The following ARID2 variants were observed in gnomAD, a reference collection of about 807,000 sequenced individuals.
The protein encoded by ARID2 is AT-rich interaction domain 2.
ARID2 carries 32 observed loss-of-function variants against 184.6 expected under a neutral mutation model. The observed-to-expected ratio is 0.17, with a 90% confidence interval of 0.13 to 0.23. ARID2 has a LOEUF of 0.23. Among genes scored for constraint, ARID2 ranks in the 10% least tolerant of loss-of-function variants. ARID2 has a pLI of 1.00. For synonymous variants in ARID2, 836 were observed against 772.6 expected, an observed-to-expected ratio of 1.08 and a Z score of -1.36; for missense variants, 1,696 against 2,197.6, an observed-to-expected ratio of 0.77 and a Z score of 4.56.
chr12:45,793,860 T>C (rs913683591), intron 3 of ARID2, among the ~76,000 whole-genome samples: 1 of 152,054 alleles, frequency 6.6e-6, no homozygotes, highest in Non-Finnish European at 1.5e-5. Context: ...TTAGGAAATA[T>C]TTTTATTTTT....
At position 45,729,771 on chromosome 12, in the gene ARID2, GCTGGGAGCGGGGGGCGCTTTTAAAACACC is replaced by G; in HGVS notation, c.-65_-37del. On this transcript the variant is annotated 5_prime_UTR_variant, in exon 1 of 21. It removes the in-frame stop codon of an upstream open reading frame in the 5' UTR. Transcript: ENST00000334344. ...TGGGCTCCGGGCTCTGGTAGGAAGC[GCTGGGAGCGGGGGGCGCTTTTAAAACACC>G]GATCTGGGTTTTTTAAAAACCTCCT... 2 of 1,465,324 alleles carry G rather than the reference GCTGGGAGCGGGGGGCGCTTTTAAAACACC, an allele frequency of 1.4e-6. No homozygotes were observed. The highest frequency in any genetic ancestry group is 1.9e-6 in the Non-Finnish European group (2 of 1,072,910). 90.8% of individuals were successfully genotyped at this position (1,465,324 alleles called of 1,614,324 possible).
intron 5 of ARID2, among the ~76,000 whole-genome samples, chr12:45,819,736 T>G (rs1592096546): frequency 6.6e-6 from 1 of 151,780 alleles, no homozygotes; most frequent in Non-Finnish European, 1.5e-5. Flanking sequence ...GTTTTTTGTT[T>G]GTTTTTTTGG....
In ARID2 at chr12:45,851,061, A is replaced by G. The variant is rs767866745; in HGVS notation, c.2938A>G (p.Thr980Ala). 14 of 1,614,114 alleles carry G rather than the reference A, an allele frequency of 8.7e-6. No homozygotes were observed. Among genetic ancestry groups the G allele is most frequent in the Non-Finnish European group, 1.2e-5 (14 of 1,179,986 alleles). ...PSSSPSPVPA[T>A]NNQVPTAMSS... The stretch of plus-strand genomic sequence containing the variant: ...TTCTTCACCATCACCTGTCCCAGCT[A>G]CTAATAACCAAGTCCCTACTGCCAT... The change falls in exon 15 of 21, where the codon ACT becomes GCT. Residue 980 changes from threonine (T) to alanine (A), a missense_variant. Thr to Ala is a moderately conservative substitution (Grantham distance 58). Coordinates refer to ENST00000334344, the MANE Select transcript of ARID2 (RefSeq NM_152641.4).
intron 3 of ARID2, among the ~76,000 whole-genome samples, chr12:45,801,852 A>G (rs1439679550): frequency 2.6e-5 from 4 of 152,164 alleles, no homozygotes; most frequent in Non-Finnish European, 5.9e-5. Flanking sequence ...ATGAAGCAAC[A>G]TATAAACAAT....
intron 3 of ARID2, among the ~76,000 whole-genome samples, chr12:45,746,239 T>C (rs1941353532): frequency 6.6e-6 from 1 of 152,050 alleles, no homozygotes; most frequent in Non-Finnish European, 1.5e-5. Context: ...GCCTCCCTAG[T>C]AACTAGGACT....
In ARID2 at chr12:45,852,089, C is replaced by T. The variant is rs576717656; in HGVS notation, c.3966C>T (p.Ile1322=). Residue 1322 remains isoleucine, a synonymous_variant, in exon 15 of 21, where the codon ATC becomes ATT. Coordinates refer to ENST00000334344, the MANE Select transcript of ARID2 (RefSeq NM_152641.4). ...IQSETNQCSL[I]SNGPSLELGE... Reference sequence around the variant, plus strand: ...GTGAGACTAATCAGTGCTCACTAATCAGTAATGGGCCATCATTGGAATTAG... The same window carrying T: ...GTGAGACTAATCAGTGCTCACTAATTAGTAATGGGCCATCATTGGAATTAG... The T allele has an allele frequency of 7.4e-6, 12 of 1,614,094 alleles. No individual in the cohort carries two copies. Among genetic ancestry groups the T allele is most frequent in the South Asian group, 1.1e-5 (1 of 91,076 alleles).
intron 20 of ARID2, among the ~76,000 whole-genome samples, chr12:45,895,677 G>A (rs1044317841): frequency 6.6e-5 from 10 of 152,112 alleles, no homozygotes; most frequent in African/African-American, 2.2e-4. Context: ...TGGGATTATC[G>A]GCTCATGCCA....
intron 16 of ARID2, among the ~76,000 whole-genome samples, chr12:45,882,608 CA>C (rs1944123436): frequency 1.3e-5 from 2 of 152,066 alleles, no homozygotes; most frequent in Non-Finnish European, 1.5e-5. Context: ...GTAAAATATC[CA>C]AGTGGAATTT....
intron 16 of ARID2, among the ~76,000 whole-genome samples, chr12:45,879,460 A>C (rs1348921171): frequency 6.6e-6 from 1 of 152,214 alleles, no homozygotes; most frequent in Non-Finnish European, 1.5e-5. Flanking sequence ...TTCTCCACAG[A>C]AACTGACCTC....
intron 16 of ARID2, among the ~76,000 whole-genome samples, chr12:45,885,553 AT>A: frequency 6.6e-6 from 1 of 152,312 alleles, no homozygotes; most frequent in Middle Eastern, 3.4e-3. Context: ...CCTTGAGTAA[AT>A]AAGAAAACTC....
intron 3 of ARID2, among the ~76,000 whole-genome samples, chr12:45,793,579 T>G (rs1942332511): frequency 6.6e-6 from 1 of 151,554 alleles, no homozygotes; most frequent in Non-Finnish European, 1.5e-5. Context: ...GTATTATATA[T>G]ATATGCTATA....
chr12:45,797,441 C>T (rs1462211463), intron 3 of ARID2, among the ~76,000 whole-genome samples: 1 of 152,096 alleles, frequency 6.6e-6, no homozygotes, highest in Non-Finnish European at 1.5e-5. Flanking sequence ...GCCATGTTGG[C>T]TAGGCTGGTC....
chr12:45,841,799 C>G (rs535497851), intron 11 of ARID2: 1 of 152,202 alleles, frequency 6.6e-6, no homozygotes, highest in Non-Finnish European at 1.5e-5. Context: ...CCTCTTTCAC[C>G]TTGAACTTGT....
chr12:45,809,452 C>G (rs547419459), intron 3 of ARID2, among the ~76,000 whole-genome samples: 3 of 152,062 alleles, frequency 2.0e-5, no homozygotes, highest in Non-Finnish European at 4.4e-5. Flanking sequence ...ATTCATTTAC[C>G]TACTTAAGTT....
At chr12:45,801,307 G>A (rs1456900509) in intron 3 of ARID2, among the ~76,000 whole-genome samples, 5 of 145,658 alleles carry the variant, frequency 3.4e-5, no homozygotes, top group East Asian at 2.0e-4. Context: ...GTGAGACTCC[G>A]TCTCAAAAAA....
chr12:45,884,421 A>G (rs1944152983), intron 16 of ARID2, among the ~76,000 whole-genome samples: 2 of 152,012 alleles, frequency 1.3e-5, no homozygotes, highest in Admixed American at 6.5e-5. Flanking sequence ...CAAACAAAAC[A>G]TTGTTATAAT....
chr12:45,804,703 T>A (rs567962719), intron 3 of ARID2, among the ~76,000 whole-genome samples: 4 of 152,238 alleles, frequency 2.6e-5, no homozygotes, highest in Non-Finnish European at 2.9e-5. Flanking sequence ...TTTTAAATTG[T>A]GAAATATATC....
intron 3 of ARID2, among the ~76,000 whole-genome samples, chr12:45,767,091 G>T (rs1169468111): frequency 1.3e-5 from 2 of 152,134 alleles, no homozygotes; most frequent in African/African-American, 4.8e-5. Flanking sequence ...CATCCTCATA[G>T]GTGTGTAGTG....
At position 45,893,730 on chromosome 12, in the gene ARID2, T is replaced by C. The variant is rs1401884085; in HGVS notation, c.5363+9T>C. The C allele has an allele frequency of 3.9e-6, 6 of 1,553,098 alleles. No homozygotes were observed. The highest frequency in any genetic ancestry group is 4.3e-6 in the Non-Finnish European group (5 of 1,153,912). ...TCAGAATGTGGTCGCAGGTGAGTAA[T>C]ATGTTTTCTGTAGCCAAAGTGAATT... On this transcript the variant is annotated intron_variant, in intron 20 of 20. Coordinates refer to ENST00000334344, the MANE Select transcript of ARID2 (RefSeq NM_152641.4).
Sources: allele counts gnomAD v4.1 joint callset (sites outside exome capture counted in the v4.1 genomes callset), GRCh38; gene constraint gnomAD v4.1.1; transcripts MANE v1.5; gene names NCBI Gene and HGNC (gene_info 2026-07-23, HGNC 2026-07-21).